The following ALDH4A1 variants were observed in gnomAD, a reference collection of about 807,000 sequenced individuals.
ALDH4A1 encodes the protein aldehyde dehydrogenase 4 family member A1, also known as delta-1-pyrroline-5-carboxylate dehydrogenase, mitochondrial.
Under a neutral mutation model 70.5 loss-of-function variants are expected in ALDH4A1, and 46 were observed. The observed-to-expected ratio is 0.65, with a 90% CI of 0.51 to 0.83. ALDH4A1 has a LOEUF of 0.83. ALDH4A1 is among the 40% of genes least tolerant of loss of function. ALDH4A1 has a pLI of 0.00. For synonymous variants in ALDH4A1, 323 were observed against 324.3 expected (o/e 1.00, Z 0.04); for missense variants, 749 against 766.5 (o/e 0.98, Z 0.27).
chr1:18,901,930 G>GAA (rs77510825), intron 1 of ALDH4A1, among the ~76,000 whole-genome samples: 2,778 of 98,992 alleles, frequency 0.028, 115 homozygotes, highest in African/African-American at 0.088. Context: ...CATTTAACTT[G>GAA]AAAAAAAAAA....
intron 1 of ALDH4A1, among the ~76,000 whole-genome samples, chr1:18,893,779 C>G (rs1935524908): frequency 6.6e-6 from 1 of 152,226 alleles, no homozygotes; most frequent in Non-Finnish European, 1.5e-5. Flanking sequence ...GCTGGGATTA[C>G]AGGCGTGAGC....
At position 18,880,381 on chromosome 1, in the gene ALDH4A1, C is replaced by T. The variant is rs1278439107; in HGVS notation, c.867-1008G>A. 6.6e-6 allele frequency among the ~76,000 whole-genome samples: 1 copy of T among 152,138 alleles called. No homozygotes were observed. On this transcript the variant is annotated intron_variant, in intron 8 of 14. Coordinates refer to ENST00000375341, the MANE Select transcript of ALDH4A1 (RefSeq NM_003748.4). This position sits in a 1 kb window ranked among gnomAD's most constrained non-coding sequence, Gnocchi z 5.1. ...GAACATTCTCGCTGACAACCCCCCT[C>T]ATCCCCACACGCACCCCAACCCCAA...
At chr1:18,890,575 G>A (rs1257550381) in intron 1 of ALDH4A1, 2 of 613,076 alleles carry the variant, frequency 3.3e-6, no homozygotes, top group African/African-American at 2.0e-5. Flanking sequence ...CCCACCTTGG[G>A]GGTCCACAAC....
chr1:18,901,865 CTATAAA>C lies in ALDH4A1; in HGVS notation c.62+591_62+596del, dbSNP rs553891820. 7.3e-3 allele frequency among the ~76,000 whole-genome samples: 1,086 copies of C among 148,346 alleles called. 5 individuals are homozygous for C. Among genetic ancestry groups the C allele is most frequent in the Non-Finnish European group, 0.012 (785 of 67,556 alleles). Reference sequence around the variant, plus strand: ...CAGCATTTGGTTCATTATAAGCACTCTATAAATATGATTATTCCACCTACAAGAAGA... The same window carrying C: ...CAGCATTTGGTTCATTATAAGCACTCTATGATTATTCCACCTACAAGAAGA... On this transcript the variant is annotated intron_variant, in intron 1 of 14. Transcript: ENST00000375341.
At chr1:18,886,390 A>G (rs1935201181) in intron 4 of ALDH4A1, 74 bp downstream of exon 4, 2 of 1,531,452 alleles carry the variant, frequency 1.3e-6, no homozygotes, top group Non-Finnish European at 1.8e-6. Context: ...TGCCCCCGCC[A>G]TATCAGCAGC....
chr1:18,884,060 G>A (rs1023755098), intron 5 of ALDH4A1, among the ~76,000 whole-genome samples: 1 of 152,204 alleles, frequency 6.6e-6, no homozygotes, highest in Admixed American at 6.5e-5. Context: ...TGGCACCCAA[G>A]GTCACTGGCA....
chr1:18,894,870 T>C (rs1935563005), intron 1 of ALDH4A1, among the ~76,000 whole-genome samples: 3 of 148,330 alleles, frequency 2.0e-5, no homozygotes, highest in Admixed American at 1.3e-4. Flanking sequence ...TCTTTCTTTT[T>C]TTTTTTTTTT....
At chr1:18,900,795 T>C (rs1471174592) in intron 1 of ALDH4A1, 1 of 931,278 alleles carries the variant, frequency 1.1e-6, no homozygotes, top group Admixed American at 6.2e-5. Context: ...AATCTGGATT[T>C]AGACCAAATG....
chr1:18,876,763 C>T (rs1164617223), intron 11 of ALDH4A1, among the ~76,000 whole-genome samples: 1 of 151,926 alleles, frequency 6.6e-6, no homozygotes, highest in Non-Finnish European at 1.5e-5. Context: ...CATATATAGG[C>T]ATATGCATGG....
intron 3 of ALDH4A1, among the ~76,000 whole-genome samples, chr1:18,888,411 C>T (rs560858055): frequency 6.6e-6 from 1 of 152,174 alleles, no homozygotes; most frequent in Non-Finnish European, 1.5e-5. Context: ...CCAAATGTCT[C>T]GTGCCACAGT....
chr1:18,897,853 G>A (rs770407555), intron 1 of ALDH4A1, among the ~76,000 whole-genome samples: 11 of 152,202 alleles, frequency 7.2e-5, no homozygotes, highest in Non-Finnish European at 1.3e-4. Flanking sequence ...GCCCCAAGGT[G>A]GGCAGTGACT....
chr1:18,890,656 C>T, intron 1 of ALDH4A1: 1 of 984,220 alleles, frequency 1.0e-6, no homozygotes, highest in Non-Finnish European at 1.2e-6. Flanking sequence ...GAACGTGGTT[C>T]TACGTCTATC....
chr1:18,888,265 C>G (rs1351240133), intron 3 of ALDH4A1, among the ~76,000 whole-genome samples: 1 of 152,176 alleles, frequency 6.6e-6, no homozygotes, highest in East Asian at 1.9e-4. Context: ...ACTCTGTATT[C>G]GGGCCACACC....
intron 9 of ALDH4A1, among the ~76,000 whole-genome samples, chr1:18,878,611 A>G (rs954306484): frequency 1.3e-5 from 2 of 152,124 alleles, no homozygotes; most frequent in Non-Finnish European, 2.9e-5. Context: ...CACTTGGTCC[A>G]TGGGGGTCTT....
At chr1:18,902,365 G>A in intron 1 of ALDH4A1, 97 bp downstream of exon 1, 1 of 1,068,010 alleles carries the variant, frequency 9.4e-7, no homozygotes, top group South Asian at 2.3e-5. Context: ...TGGGGGTCCG[G>A]CAGGGAGGGA....
In ALDH4A1 at chr1:18,880,185, G is replaced by T. The variant is rs534264278; in HGVS notation, c.867-812C>A. On this transcript the variant is annotated intron_variant, in intron 8 of 14. Transcript: ENST00000375341. This position sits in a 1 kb window ranked among gnomAD's most constrained non-coding sequence, Gnocchi z 5.1. ...CCACTCCCACCCCCAGCAAAGCTGC[G>T]GGGAAGGGGGTGGCAGAGCCTGGGG... Among the ~76,000 whole-genome samples, 1 of 152,114 alleles carries T rather than the reference G, an allele frequency of 6.6e-6. No individual in the cohort carries two copies. Among genetic ancestry groups the T allele is most frequent in the Admixed American group, 6.5e-5 (1 of 15,280 alleles).
At chr1:18,882,967 G>T in intron 7 of ALDH4A1, 157 bp downstream of exon 7, 1 of 966,326 alleles carries the variant, frequency 1.0e-6, no homozygotes, top group Non-Finnish European at 1.6e-6. Context: ...CTGGGTCTCT[G>T]GTCCCAAAGC....
rs191327566 is a variant in ALDH4A1, at chr1:18,894,278, C to T, written c.63-4173G>A. On this transcript the variant is annotated intron_variant, in intron 1 of 14. Transcript: ENST00000375341. ...GGAGTAGGCCGGTTGCAGTGGCTCA[C>T]GCCTGTAATCCCAGCACTTTGGGAG... Among the ~76,000 whole-genome samples the T allele has an allele frequency of 5.9e-5, 9 of 152,318 alleles. No homozygotes were observed. In the East Asian group the frequency reaches 1.7e-3, roughly 29 times the overall value.
Position 18,877,616 on chromosome 1 carries a change from CAGGGGTCGGGGGTGGG to C in ALDH4A1, c.941-20_941-5del. 1 of 1,604,412 alleles carries C rather than the reference CAGGGGTCGGGGGTGGG, an allele frequency of 6.2e-7. No homozygotes were observed. On this transcript the variant is annotated splice_polypyrimidine_tract_variant and splice_region_variant and intron_variant, in intron 9 of 14. Transcript: ENST00000375341. ...TGGAAGTTCTTTCCGCCGCACTCTA[CAGGGGTCGGGGGTGGG>C]GAAATGACCAGAGGAGCTGGCTCCC...
Sources: gnomAD v4.1 joint callset for allele counts (sites outside exome capture counted in the v4.1 genomes callset) on GRCh38, gnomAD v4.1.1 for gene constraint, Gnocchi (gnomAD v3.1) non-coding constraint, MANE v1.5 for transcripts, NCBI Gene and HGNC (gene_info 2026-07-23, HGNC 2026-07-21) for gene names.